Variants in LRRC49 observed in about 807,000 individuals in gnomAD.
The protein encoded by LRRC49 is leucine-rich repeat-containing protein 49.
Under a neutral mutation model 83.3 loss-of-function variants are expected in LRRC49, and 50 were observed. The ratio of observed to expected loss-of-function variants is 0.60; its 90% confidence interval spans 0.48 to 0.76. The LOEUF (loss-of-function observed/expected upper bound fraction) is 0.76. LRRC49 is among the 30% of genes least tolerant of loss of function. The pLI is 0.00. For synonymous variants in LRRC49, 286 were observed against 283.3 expected, an observed-to-expected ratio of 1.01 and a Z score of -0.10; for missense variants, 704 against 809.1, an observed-to-expected ratio of 0.87 and a Z score of 1.58.
upstream of LRRC49, chr15:70,892,240 G>C (rs1567038369): frequency 6.3e-7 from 1 of 1,584,124 alleles, no homozygotes; most frequent in Non-Finnish European, 8.6e-7. Context: ...TGGTGGTGTT[G>C]CCGCAGTGGG....
intron 15 of LRRC49, among the ~76,000 whole-genome samples, chr15:71,045,510 G>A (rs188175842): frequency 4.6e-5 from 7 of 152,128 alleles, no homozygotes; most frequent in African/African-American, 1.7e-4. Flanking sequence ...ATTCTACAGA[G>A]TATTTTTCTT....
At chr15:70,949,153 G>C (rs974353755) in intron 8 of LRRC49, among the ~76,000 whole-genome samples, 2 of 152,158 alleles carry the variant, frequency 1.3e-5, no homozygotes, top group Admixed American at 1.3e-4. Context: ...ACAGGTGATA[G>C]AGCATATTTG....
intron 2 of LRRC49, chr15:70,882,403 G>A (rs1295683678): frequency 7.4e-7 from 1 of 1,353,120 alleles, no homozygotes; most frequent in Admixed American, 1.9e-5. Context: ...ATAATTATGT[G>A]AGTAAAGATT....
intron 8 of LRRC49, among the ~76,000 whole-genome samples, chr15:70,951,949 A>G (rs554383025): frequency 6.6e-6 from 1 of 152,148 alleles, no homozygotes; most frequent in East Asian, 1.9e-4. Context: ...TTGATGCCTA[A>G]TTTGTTGATG....
intron 3 of LRRC49, among the ~76,000 whole-genome samples, chr15:70,899,307 A>G (rs1357505668): frequency 6.6e-6 from 1 of 152,104 alleles, no homozygotes; most frequent in African/African-American, 2.4e-5. Context: ...GAGTTTTTCA[A>G]TCTTTTGTCT....
intron 2 of LRRC49, chr15:70,882,939 T>A: frequency 1.9e-6 from 3 of 1,611,528 alleles, no homozygotes; most frequent in Non-Finnish European, 2.5e-6. Flanking sequence ...AGAAACATAT[T>A]AAAGTGTACC....
chr15:70,908,018 TG>T, intron 5 of LRRC49: 2 of 455,950 alleles, frequency 4.4e-6, no homozygotes, highest in Non-Finnish European at 8.8e-6. Flanking sequence ...TTTCAGGTGT[TG>T]GGGGGTGGAA....
intron 7 of LRRC49, among the ~76,000 whole-genome samples, chr15:70,931,090 A>C (rs1326307415): frequency 2.0e-5 from 3 of 152,208 alleles, no homozygotes; most frequent in African/African-American, 7.2e-5. Context: ...AGCCTATCTC[A>C]GCTTTCAACA....
chr15:70,939,037 T>A (rs1400206863), intron 8 of LRRC49, among the ~76,000 whole-genome samples: 3 of 152,240 alleles, frequency 2.0e-5, no homozygotes, highest in East Asian at 3.8e-4. Context: ...TATGTGTGTA[T>A]GTTATTTTAC....
At chr15:71,048,388 C>A (rs140494443) in intron 15 of LRRC49, among the ~76,000 whole-genome samples, 1 of 152,158 alleles carries the variant, frequency 6.6e-6, no homozygotes. Flanking sequence ...AGCTACCATG[C>A]CTGGCTTATG....
intron 9 of LRRC49, among the ~76,000 whole-genome samples, chr15:70,976,541 C>T (rs545883934): frequency 8.5e-5 from 13 of 152,142 alleles, no homozygotes; most frequent in African/African-American, 1.4e-4. Context: ...TGTTTTAGGC[C>T]TTAATATCTG....
At chr15:70,960,138 G>A (rs1174911330) in intron 8 of LRRC49, among the ~76,000 whole-genome samples, 1 of 152,170 alleles carries the variant, frequency 6.6e-6, no homozygotes, top group Non-Finnish European at 1.5e-5. Context: ...TTTCAGGAGG[G>A]ATGGTTTGAT....
At chr15:70,957,652 C>A (rs142918677) in intron 8 of LRRC49, among the ~76,000 whole-genome samples, 34 of 152,060 alleles carry the variant, frequency 2.2e-4, no homozygotes, top group Non-Finnish European at 4.3e-4. Context: ...CAGTTTAATT[C>A]TATTGAGTTA....
At chr15:70,969,575 A>G (rs1241895776) in intron 9 of LRRC49, among the ~76,000 whole-genome samples, 5 of 152,172 alleles carry the variant, frequency 3.3e-5, no homozygotes, top group African/African-American at 1.2e-4. Flanking sequence ...TTTGGGCAGT[A>G]TGGCCATTTT....
chr15:70,964,616 T>TC (rs1188217954), intron 9 of LRRC49, among the ~76,000 whole-genome samples: 2 of 152,248 alleles, frequency 1.3e-5, no homozygotes, highest in Middle Eastern at 3.4e-3. Context: ...GTGCATAATA[T>TC]CCCCCTCTTT....
At chr15:70,893,697 T>G in intron 2 of LRRC49, 57 bp downstream of exon 2, 1 of 1,296,414 alleles carries the variant, frequency 7.7e-7, no homozygotes, top group Non-Finnish European at 1.1e-6. Flanking sequence ...TCTACACAAA[T>G]AGCAGCATGA....
At chr15:70,905,725 G>C (rs1163552841) in intron 5 of LRRC49, among the ~76,000 whole-genome samples, 4 of 152,098 alleles carry the variant, frequency 2.6e-5, no homozygotes, top group Non-Finnish European at 4.4e-5. Context: ...TAATAAACTG[G>C]GGGAACTTAG....
intron 3 of LRRC49, among the ~76,000 whole-genome samples, chr15:70,897,116 G>A (rs544042234): frequency 1.2e-4 from 18 of 152,174 alleles, no homozygotes; most frequent in African/African-American, 3.6e-4. Context: ...AAGTTTTCCC[G>A]AAACCATGAA....
At position 71,037,422 on chromosome 15, in the gene LRRC49, A is replaced by G. The variant is rs940662192; in HGVS notation, c.1857+90A>G. 7 of 1,103,378 alleles carry G rather than the reference A, an allele frequency of 6.3e-6. No homozygotes were observed. The African/African-American group carries it at 1.1e-4, about 18-fold the overall frequency. 68.3% of individuals were successfully genotyped at this position (1,103,378 alleles called of 1,614,324 possible). On this transcript the variant is annotated intron_variant, in intron 15 of 15. Coordinates refer to ENST00000260382, the MANE Select transcript of LRRC49 (RefSeq NM_017691.5). ...GGGTTGTACATTTTACCCTTAGTTA[A>G]GATAACTTTTTTGTTCTGGAATATT...
Sources: gnomAD v4.1 joint callset for allele counts (sites outside exome capture counted in the v4.1 genomes callset) on GRCh38, gnomAD v4.1.1 for gene constraint, MANE v1.5 for transcripts, NCBI Gene and HGNC (gene_info 2026-07-23, HGNC 2026-07-21) for gene names.